The following GLB1 variants were observed in gnomAD, a reference collection of about 807,000 sequenced individuals.
GLB1 encodes galactosidase beta 1.
Under a neutral mutation model 74.0 loss-of-function variants are expected in GLB1, and 56 were observed. That is an observed-to-expected ratio of 0.76 (90% CI 0.61 to 0.94). The LOEUF is 0.94. Ranked by LOEUF, GLB1 falls within the 40% of genes least tolerant of loss-of-function variation. The pLI, the probability that GLB1 is intolerant of heterozygous loss-of-function variation, is 0.00. For missense variants in GLB1, 787 were observed against 845.5 expected, an observed-to-expected ratio of 0.93 and a Z score of 0.86; for synonymous variants, 323 against 323.6, an observed-to-expected ratio of 1.00 and a Z score of 0.02.
intron 12 of GLB1, among the ~76,000 whole-genome samples, chr3:33,019,356 G>A (rs1489230766): frequency 3.9e-5 from 6 of 152,290 alleles, no homozygotes; most frequent in Admixed American, 3.9e-4. Flanking sequence ...ATAATCCACA[G>A]AATTATAGTT....
intron 10 of GLB1, among the ~76,000 whole-genome samples, chr3:33,040,734 T>C (rs916431410): frequency 2.0e-5 from 3 of 151,950 alleles, no homozygotes; most frequent in Admixed American, 1.3e-4. Context: ...AAAGGCAGAA[T>C]GAGACAAAGA....
intron 9 of GLB1, among the ~76,000 whole-genome samples, chr3:33,046,461 T>A (rs1282810302): frequency 1.3e-5 from 2 of 152,052 alleles, no homozygotes; most frequent in Admixed American, 1.3e-4. Context: ...ACTCTTTCCA[T>A]CCACTCTCTA....
At chr3:33,044,490 G>A (rs1334847721) in intron 10 of GLB1, among the ~76,000 whole-genome samples, 1 of 151,892 alleles carries the variant, frequency 6.6e-6, no homozygotes, top group Non-Finnish European at 1.5e-5. Context: ...ATAAAGGAAG[G>A]AAATAATAAA....
Position 33,046,252 on chromosome 3 carries a change from C to T in GLB1, c.956-20G>A. 1 of 1,613,552 alleles carries T rather than the reference C, an allele frequency of 6.2e-7. No individual in the cohort carries two copies. Among genetic ancestry groups the T allele is most frequent in the Non-Finnish European group, 8.5e-7 (1 of 1,179,698 alleles). ...TGGCCCCTAGAAGACAAAAATGTGC[C>T]ACTAGTTATTACTGATGGTGCAGCT... On this transcript the variant is annotated intron_variant, in intron 9 of 15. Coordinates refer to ENST00000307363, the MANE Select transcript of GLB1 (RefSeq NM_000404.4).
At chr3:33,010,391 C>T (rs1278916550) in intron 15 of GLB1, among the ~76,000 whole-genome samples, 1 of 152,062 alleles carries the variant, frequency 6.6e-6, no homozygotes, top group Non-Finnish European at 1.5e-5. Flanking sequence ...GACATTTTAC[C>T]AAAGAAGGTA....
At chr3:32,972,456 C>T in the GLB1 span, among the ~76,000 whole-genome samples, 2 of 152,208 alleles carry the variant, frequency 1.3e-5, no homozygotes, top group African/African-American at 2.4e-5. Context: ...GGTCCCCAGA[C>T]TCCTTGTATG....
At chr3:33,063,211 A>T (rs1699522278) in intron 5 of GLB1, among the ~76,000 whole-genome samples, 1 of 152,170 alleles carries the variant, frequency 6.6e-6, no homozygotes, top group African/African-American at 2.4e-5. Context: ...CCACACAGAA[A>T]ATAGGTCACA....
At chr3:33,077,059 A>AT (rs989653295) in intron 1 of GLB1, 1 of 1,311,428 alleles carries the variant, frequency 7.6e-7, no homozygotes, top group African/African-American at 1.5e-5. Flanking sequence ...CCCTGTCTCT[A>AT]TAAAAAAAAA....
At chr3:33,057,736 C>T (rs753590097) in intron 6 of GLB1, among the ~76,000 whole-genome samples, 16 of 152,174 alleles carry the variant, frequency 1.1e-4, no homozygotes, top group African/African-American at 2.9e-4. Flanking sequence ...CAGAGAAGCG[C>T]GCCCCAGACA....
At chr3:33,023,255 C>A (rs1697579339) in intron 11 of GLB1, among the ~76,000 whole-genome samples, 1 of 152,026 alleles carries the variant, frequency 6.6e-6, no homozygotes, top group Non-Finnish European at 1.5e-5. Context: ...ACAAACAAAC[C>A]AAAGTTTTCC....
chr3:33,014,462 G>A, intron 14 of GLB1, 152 bp from the exon 15 acceptor site: 1 of 1,180,882 alleles, frequency 8.5e-7, no homozygotes. Context: ...AAGTAACACA[G>A]ATCTAACTGG....
At chr3:32,998,409 G>C (rs1696402978) in intron 15 of GLB1, among the ~76,000 whole-genome samples, 1 of 152,102 alleles carries the variant, frequency 6.6e-6, no homozygotes, top group Non-Finnish European at 1.5e-5. Context: ...TCAGGAGGCT[G>C]AGGCAAGAGA....
At chr3:33,026,694 G>A (rs572240456) in intron 10 of GLB1, among the ~76,000 whole-genome samples, 19 of 152,278 alleles carry the variant, frequency 1.2e-4, no homozygotes, top group Non-Finnish European at 2.4e-4. Context: ...AGCAAGACCA[G>A]AAGATGGAGA....
intron 7 of GLB1, among the ~76,000 whole-genome samples, chr3:33,052,504 C>A (rs1381160349): frequency 6.6e-6 from 1 of 152,064 alleles, no homozygotes; most frequent in Non-Finnish European, 1.5e-5. Flanking sequence ...TCGTGGTGCG[C>A]CCCTGTAGTC....
At chr3:33,014,730 G>C (rs1697171904) in intron 14 of GLB1, among the ~76,000 whole-genome samples, 1 of 152,198 alleles carries the variant, frequency 6.6e-6, no homozygotes, top group South Asian at 2.1e-4. Context: ...ACTTTGAGAG[G>C]CCAAGGCAGA....
At chr3:33,045,954 T>G (rs939069420) in intron 10 of GLB1, among the ~76,000 whole-genome samples, 166 bp downstream of exon 10, 2 of 152,228 alleles carry the variant, frequency 1.3e-5, no homozygotes, top group Admixed American at 1.3e-4. Context: ...AGACTCACTC[T>G]TAACCACGTG....
intron 10 of GLB1, among the ~76,000 whole-genome samples, chr3:33,040,448 A>T (rs939187792): frequency 2.0e-5 from 3 of 151,932 alleles, no homozygotes; most frequent in South Asian, 2.1e-4. Context: ...CTACAAAAAA[A>T]AAATAAAAAA....
chr3:33,069,274 A>T (rs7621255), intron 2 of GLB1, among the ~76,000 whole-genome samples: 1 of 152,070 alleles, frequency 6.6e-6, no homozygotes, highest in Non-Finnish European at 1.5e-5. Flanking sequence ...GGTCCCAGTT[A>T]CCCTGGAGGC....
intron 10 of GLB1, among the ~76,000 whole-genome samples, chr3:33,043,468 A>T (rs1275092804): frequency 6.6e-6 from 1 of 152,186 alleles, no homozygotes; most frequent in Non-Finnish European, 1.5e-5. Context: ...ATAACTTCCA[A>T]AGTAGAAGAG....
Sources: gnomAD v4.1 joint callset for allele counts (sites outside exome capture counted in the v4.1 genomes callset) on GRCh38, gnomAD v4.1.1 for gene constraint, MANE v1.5 for transcripts, NCBI Gene and HGNC (gene_info 2026-07-23, HGNC 2026-07-21) for gene names.